The following CRPPA variants were observed in gnomAD, a reference collection of about 807,000 sequenced individuals.
CRPPA encodes the protein CDP-L-ribitol pyrophosphorylase A, also known as D-ribitol-5-phosphate cytidylyltransferase.
Under a neutral mutation model 52.0 loss-of-function variants are expected in CRPPA, and 43 were observed. That is an observed-to-expected ratio of 0.83 (90% confidence interval 0.65 to 1.07). The LOEUF is 1.07. CRPPA is among the 50% of genes least tolerant of loss of function. The probability of loss-of-function intolerance (pLI) is 0.00; values close to 1 mark genes in which losing one functional copy is unlikely to be tolerated. For synonymous variants in CRPPA, 250 were observed against 203.5 expected (o/e 1.23, Z -1.94); for missense variants, 629 against 551.7 (o/e 1.14, Z -1.40).
At chr7:16,261,971 A>G (rs1322434173) in intron 6 of CRPPA, 2 of 152,038 alleles carry the variant, frequency 1.3e-5, no homozygotes, top group African/African-American at 4.8e-5. Context: ...ATAATCCTCC[A>G]TTATATTTGG....
At chr7:16,158,368 CA>C in intron 9 of CRPPA, among the ~76,000 whole-genome samples, 1 of 152,170 alleles carries the variant, frequency 6.6e-6, no homozygotes, top group South Asian at 2.1e-4. Context: ...ATTCCAAACA[CA>C]ATATGTAGCA....
intron 9 of CRPPA, among the ~76,000 whole-genome samples, chr7:16,139,694 C>T (rs952474449): frequency 6.6e-6 from 1 of 151,932 alleles, no homozygotes; most frequent in African/African-American, 2.4e-5. Flanking sequence ...ATCCCTTTTG[C>T]CTGGTATATA....
chr7:16,182,735 T>G (rs1228775165), intron 9 of CRPPA, among the ~76,000 whole-genome samples: 2 of 152,154 alleles, frequency 1.3e-5, no homozygotes, highest in African/African-American at 4.8e-5. Context: ...CACAGCAATT[T>G]TAACCAATCA....
intron 3 of CRPPA, among the ~76,000 whole-genome samples, chr7:16,325,802 G>T (rs959390948): frequency 1.3e-5 from 2 of 151,858 alleles, no homozygotes; most frequent in Non-Finnish European, 2.9e-5. Context: ...CAAAGGATTT[G>T]ATTTTTAACA....
intron 8 of CRPPA, among the ~76,000 whole-genome samples, chr7:16,226,574 T>C (rs1782656943): frequency 6.6e-6 from 1 of 151,896 alleles, no homozygotes; most frequent in Non-Finnish European, 1.5e-5. Flanking sequence ...TAAATTCAAA[T>C]TTATTAGTAT....
chr7:16,377,781 A>G (rs1349194939), intron 2 of CRPPA, among the ~76,000 whole-genome samples: 4 of 152,170 alleles, frequency 2.6e-5, no homozygotes, highest in African/African-American at 7.2e-5. Flanking sequence ...CCAAGTTCCC[A>G]GTATGAAGGG....
intron 9 of CRPPA, among the ~76,000 whole-genome samples, chr7:16,190,922 G>A (rs1781596463): frequency 6.6e-6 from 1 of 152,024 alleles, no homozygotes; most frequent in Non-Finnish European, 1.5e-5. Flanking sequence ...GTTCCACCCA[G>A]GTTGCCATGA....
chr7:16,207,488 T>C (rs1334701500), intron 9 of CRPPA, among the ~76,000 whole-genome samples: 1 of 152,212 alleles, frequency 6.6e-6, no homozygotes, highest in Non-Finnish European at 1.5e-5. Context: ...CAGTTCCTTG[T>C]ACAGCTGCTT....
intron 2 of CRPPA, among the ~76,000 whole-genome samples, chr7:16,387,863 T>C (rs141976858): frequency 6.6e-5 from 10 of 152,244 alleles, no homozygotes; most frequent in African/African-American, 2.4e-4. Flanking sequence ...CATAGAACAT[T>C]CTCTAGAACA....
At chr7:16,286,035 AAAAATATAAATATATATATATATAT>A (rs1784424636) in intron 5 of CRPPA, among the ~76,000 whole-genome samples, 10 of 18,808 alleles carry the variant, frequency 5.3e-4, no homozygotes, top group African/African-American at 2.7e-3. Context: ...AAAAAAAAAA[AAAAATATAAATATATATATATATAT>A]ATATATATAT....
chr7:16,353,740 C>A (rs4236286), intron 3 of CRPPA, among the ~76,000 whole-genome samples: 75,751 of 151,754 alleles, frequency 0.5, 19,375 homozygotes, highest in South Asian at 0.67. Context: ...ATCCCAGCTA[C>A]TCAGGAGGCT....
intron 3 of CRPPA, among the ~76,000 whole-genome samples, chr7:16,314,848 T>C (rs1270703000): frequency 2.0e-5 from 3 of 152,120 alleles, no homozygotes; most frequent in Non-Finnish European, 2.9e-5. Flanking sequence ...GAGTATAATA[T>C]GCTTAGGTGT....
intron 6 of CRPPA, among the ~76,000 whole-genome samples, chr7:16,275,249 C>T (rs1784176975): frequency 6.6e-6 from 1 of 152,158 alleles, no homozygotes; most frequent in Non-Finnish European, 1.5e-5. Flanking sequence ...GGAATAGCAA[C>T]AGAAACTAGG....
intron 3 of CRPPA, among the ~76,000 whole-genome samples, chr7:16,344,405 C>CAA (rs35320924): frequency 0.32 from 32,135 of 99,090 alleles, 5,395 homozygotes; most frequent in East Asian, 0.68. Context: ...TATCTCTACC[C>CAA]AAAAAAAAAA....
At chr7:16,212,306 T>C (rs893212408) in intron 9 of CRPPA, among the ~76,000 whole-genome samples, 4 of 152,238 alleles carry the variant, frequency 2.6e-5, no homozygotes, top group Admixed American at 2.0e-4. Flanking sequence ...TCAAAAGTTC[T>C]ATTTCCCACT....
At chr7:16,363,475 A>C (rs1052736371) in intron 3 of CRPPA, among the ~76,000 whole-genome samples, 40 of 152,164 alleles carry the variant, frequency 2.6e-4, no homozygotes, top group African/African-American at 8.7e-4. Context: ...CACATTAGAC[A>C]AAAAGAAAAA....
chr7:16,385,306 A>G (rs560585076), intron 2 of CRPPA, among the ~76,000 whole-genome samples: 2 of 152,250 alleles, frequency 1.3e-5, no homozygotes, highest in East Asian at 1.9e-4. Flanking sequence ...AAGAAGCTCA[A>G]TGAAGTCCAA....
At chr7:16,329,203 A>G (rs942932145) in intron 3 of CRPPA, among the ~76,000 whole-genome samples, 3 of 152,178 alleles carry the variant, frequency 2.0e-5, no homozygotes, top group African/African-American at 7.2e-5. Context: ...CACTAAAACT[A>G]ATTTGGTGGT....
intron 9 of CRPPA, among the ~76,000 whole-genome samples, chr7:16,159,447 G>C (rs1392249015): frequency 5.3e-5 from 8 of 152,228 alleles, no homozygotes; most frequent in South Asian, 2.1e-4. Flanking sequence ...GGCGGTGTTT[G>C]GTTTTCTGTT....
Sources: allele counts gnomAD v4.1 joint callset (sites outside exome capture counted in the v4.1 genomes callset), GRCh38; gene constraint gnomAD v4.1.1; transcripts MANE v1.5; gene names NCBI Gene and HGNC (gene_info 2026-07-23, HGNC 2026-07-21).